Variants in SIDT1 observed in about 807,000 individuals in gnomAD.
SIDT1 encodes SID1 transmembrane family member 1.
SIDT1 carries 101 observed loss-of-function variants against 107.5 expected under a neutral mutation model. That is an observed-to-expected ratio of 0.94 (90% confidence interval 0.80 to 1.11). The LOEUF is 1.11. Among genes scored for constraint, SIDT1 ranks in the 50% least tolerant of loss-of-function variants. The pLI is 0.00. For synonymous variants in SIDT1, 395 were observed against 398.2 expected (o/e 0.99, Z 0.10); for missense variants, 1,076 against 1,058.2 (o/e 1.02, Z -0.23).
At chr3:113,604,813 T>C in intron 13 of SIDT1, 97 bp from the exon 14 acceptor site, 2 of 1,402,684 alleles carry the variant, frequency 1.4e-6, no homozygotes, top group Non-Finnish European at 1.0e-6. Context: ...AAGTTAATTA[T>C]GGACTTATGG....
intron 10 of SIDT1, among the ~76,000 whole-genome samples, chr3:113,593,653 T>A (rs892223452): frequency 1.3e-5 from 2 of 152,208 alleles, no homozygotes; most frequent in Admixed American, 1.3e-4. Flanking sequence ...AAGTTTCACC[T>A]TTTCTAGGAC....
At chr3:113,541,388 T>C (rs1938844282) in intron 1 of SIDT1, among the ~76,000 whole-genome samples, 1 of 152,200 alleles carries the variant, frequency 6.6e-6, no homozygotes, top group African/African-American at 2.4e-5. Flanking sequence ...CAGGCTGGTC[T>C]TGAACTCCTG....
At chr3:113,541,359 G>A (rs1938838461) in intron 1 of SIDT1, among the ~76,000 whole-genome samples, 2 of 152,208 alleles carry the variant, frequency 1.3e-5, no homozygotes, top group Non-Finnish European at 2.9e-5. Flanking sequence ...TAGTAGAGAA[G>A]GGGTCTTACC....
rs529026247 is a variant in SIDT1, at chr3:113,617,902, G to C, written c.2043+1726G>C. Among the ~76,000 whole-genome samples the C allele has an allele frequency of 1.2e-4, 19 of 152,140 alleles. No individual in the cohort carries two copies. In the South Asian group the frequency reaches 3.7e-3, roughly 30 times the overall value. ...ATTTCCAAACCACAGTGGTACATTG[G>C]TTACAGTTGATGAGCCTACACTGAC... On this transcript the variant is annotated intron_variant, in intron 20 of 24. Coordinates refer to ENST00000264852, the MANE Select transcript of SIDT1 (RefSeq NM_017699.3).
At chr3:113,548,238 A>G (rs1459593124) in intron 1 of SIDT1, among the ~76,000 whole-genome samples, 2 of 152,058 alleles carry the variant, frequency 1.3e-5, no homozygotes, top group Non-Finnish European at 2.9e-5. Context: ...TTTTTTATTA[A>G]CTAAATCTGT....
At chr3:113,580,474 T>C (rs1421895863) in intron 4 of SIDT1, 134 bp from the exon 5 acceptor site, 2 of 638,458 alleles carry the variant, frequency 3.1e-6, no homozygotes, top group South Asian at 1.8e-5. Context: ...TCTCAATATG[T>C]ATGAGATGAA....
downstream of SIDT1, among the ~76,000 whole-genome samples, chr3:113,633,394 A>C (rs1947106029): frequency 6.6e-6 from 1 of 152,198 alleles, no homozygotes; most frequent in South Asian, 2.1e-4. Flanking sequence ...TGGATGGAAC[A>C]TTCAGGAAAA....
In SIDT1 at chr3:113,629,321, G is replaced by T. The variant is rs1947043606; in HGVS notation, c.*1613G>T. ...TATTCCTTATTCTTTAAGCAGTGTTGGCTTCCATTGACCATATGAAGGCCA... is the reference window on the plus strand; with the variant it reads ...TATTCCTTATTCTTTAAGCAGTGTTTGCTTCCATTGACCATATGAAGGCCA... On this transcript the variant is annotated 3_prime_UTR_variant, in exon 25 of 25. Coordinates refer to ENST00000264852, the MANE Select transcript of SIDT1 (RefSeq NM_017699.3). 6.6e-6 allele frequency: 1 copy of T among 152,044 alleles called. No homozygotes were observed. Among genetic ancestry groups the T allele is most frequent in the African/African-American group, 2.4e-5 (1 of 41,382 alleles). 9.4% of individuals were successfully genotyped at this position (152,044 alleles called of 1,614,324 possible). A position where few individuals can be genotyped will look rare whatever the true frequency, so the allele number is the denominator to read the frequency against.
At chr3:113,581,226 A>T (rs1030392178) in intron 5 of SIDT1, 135 bp from the exon 6 acceptor site, 18 of 698,076 alleles carry the variant, frequency 2.6e-5, no homozygotes, top group African/African-American at 1.9e-4. Flanking sequence ...CAAGGGGGGA[A>T]ATTGCCTAGT....
At chr3:113,632,035 T>C (rs1243464668), downstream of SIDT1, among the ~76,000 whole-genome samples, 1 of 152,226 alleles carries the variant, frequency 6.6e-6, no homozygotes, top group Non-Finnish European at 1.5e-5. Context: ...TTTTATTCAT[T>C]TCACTGGAGA....
chr3:113,620,641 G>T (rs962442113), intron 21 of SIDT1, among the ~76,000 whole-genome samples: 3 of 152,134 alleles, frequency 2.0e-5, no homozygotes, highest in African/African-American at 7.2e-5. Context: ...TTCCCATGTT[G>T]TCACCCCAGG....
At chr3:113,537,978 A>C (rs933413311) in intron 1 of SIDT1, among the ~76,000 whole-genome samples, 9 of 151,804 alleles carry the variant, frequency 5.9e-5, no homozygotes, top group Admixed American at 5.2e-4. Flanking sequence ...ATACAGGGTT[A>C]CTCCATGTTG....
chr3:113,570,466 C>A (rs1172912628), intron 3 of SIDT1, among the ~76,000 whole-genome samples: 1 of 152,178 alleles, frequency 6.6e-6, no homozygotes, highest in Non-Finnish European at 1.5e-5. Flanking sequence ...TTATTAGAAC[C>A]TTTTGAGAAC....
chr3:113,570,096 G>C (rs1477651760), intron 3 of SIDT1, among the ~76,000 whole-genome samples: 1 of 152,126 alleles, frequency 6.6e-6, no homozygotes, highest in Non-Finnish European at 1.5e-5. Flanking sequence ...AGTAGAGACG[G>C]ATTTGACCAT....
chr3:113,563,196 G>A (rs563962851), intron 1 of SIDT1, among the ~76,000 whole-genome samples: 7 of 152,198 alleles, frequency 4.6e-5, no homozygotes, highest in Non-Finnish European at 1.0e-4. Flanking sequence ...ATCAAGAAGA[G>A]GCTTGAGGGA....
At chr3:113,625,987 A>G in intron 23 of SIDT1, 115 bp from the exon 24 acceptor site, 1 of 736,192 alleles carries the variant, frequency 1.4e-6, no homozygotes, top group Non-Finnish European at 2.4e-6. Flanking sequence ...TTTTCTTGGA[A>G]GCTAACTTTT....
intron 1 of SIDT1, among the ~76,000 whole-genome samples, chr3:113,542,849 T>G (rs546558970): frequency 6.6e-6 from 1 of 152,224 alleles, no homozygotes; most frequent in South Asian, 2.1e-4. Context: ...CCCATAGTTT[T>G]TCCTCAGGCA....
chr3:113,622,988 C>A (rs989559534), intron 21 of SIDT1, among the ~76,000 whole-genome samples: 1 of 151,808 alleles, frequency 6.6e-6, no homozygotes, highest in African/African-American at 2.4e-5. Context: ...ATGAATCCAA[C>A]ATCAGGCTGG....
intron 6 of SIDT1, 88 bp downstream of exon 6, chr3:113,581,532 C>T (rs1943343360): frequency 1.0e-5 from 11 of 1,050,280 alleles, no homozygotes; most frequent in Non-Finnish European, 1.5e-5. Flanking sequence ...AAGGGATGGC[C>T]ATCCATGATG....
Sources: gnomAD v4.1 joint callset for allele counts (sites outside exome capture counted in the v4.1 genomes callset) on GRCh38, gnomAD v4.1.1 for gene constraint, MANE v1.5 for transcripts, NCBI Gene and HGNC (gene_info 2026-07-23, HGNC 2026-07-21) for gene names.